RBM25: variants seen among roughly 807,000 people sequenced by gnomAD.
RBM25 encodes the protein RNA binding motif protein 25, also known as RNA-binding protein 25.
In RBM25, 19 loss-of-function variants were observed where a neutral mutation model predicts 120.7. That is an observed-to-expected ratio of 0.16 (90% CI 0.11 to 0.23). RBM25 has a LOEUF of 0.23. Ranked by LOEUF, RBM25 falls within the 10% of genes least tolerant of loss-of-function variation. The pLI is 1.00. For missense variants in RBM25, 605 were observed against 1,041.5 expected (o/e 0.58, Z 5.77); for synonymous variants, 390 against 326.7 (o/e 1.19, Z -2.09).
intron 13 of RBM25, among the ~76,000 whole-genome samples, chr14:73,108,270 G>A (rs1896232213): frequency 6.6e-6 from 1 of 152,146 alleles, no homozygotes; most frequent in South Asian, 2.1e-4. Flanking sequence ...CTGTAACCTT[G>A]AACTCTTGGG....
chr14:73,116,910 A>C (rs1201255927), intron 18 of RBM25, among the ~76,000 whole-genome samples: 1 of 152,180 alleles, frequency 6.6e-6, no homozygotes, highest in Non-Finnish European at 1.5e-5. Context: ...GGCCTTGTAA[A>C]TATTTCTTGA....
At chr14:73,071,034 G>A (rs1895275869) in intron 1 of RBM25, among the ~76,000 whole-genome samples, 1 of 150,098 alleles carries the variant, frequency 6.7e-6, no homozygotes, top group Non-Finnish European at 1.5e-5. Flanking sequence ...TTGAGGTCAA[G>A]AGATGGAGAC....
At chr14:73,101,160 AAAG>A (rs1295190406) in intron 9 of RBM25, 2 of 152,200 alleles carry the variant, frequency 1.3e-5, no homozygotes, top group Non-Finnish European at 2.9e-5. Context: ...TTCAAAATAA[AAAG>A]AAATCAAAAT....
chr14:73,088,496 A>G, intron 6 of RBM25: 1 of 433,186 alleles, frequency 2.3e-6, no homozygotes, highest in Non-Finnish European at 4.6e-6. Context: ...ATATATTTCA[A>G]CCTACACAAT....
Position 73,062,624 on chromosome 14 carries a change from AAAAAG to A in RBM25, c.-16+3925_-16+3929del, listed in dbSNP as rs749566630. 2.0e-4 allele frequency among the ~76,000 whole-genome samples: 31 copies of A among 151,568 alleles called. 1 individual carries two copies. Among genetic ancestry groups the A allele is most frequent in the Middle Eastern group, 3.2e-3 (1 of 316 alleles). On this transcript the variant is annotated intron_variant, in intron 1 of 18. Coordinates refer to ENST00000261973, the MANE Select transcript of RBM25 (RefSeq NM_021239.3). ...GAAAGATTCAAAGAGAAAAAAGTGA[AAAAAG>A]AAAAGCTGAGTGCATGCATATGTTG...
At chr14:73,118,160 T>C (rs1057495052) in intron 18 of RBM25, among the ~76,000 whole-genome samples, 1 of 152,216 alleles carries the variant, frequency 6.6e-6, no homozygotes, top group African/African-American at 2.4e-5. Flanking sequence ...TAGTGTCACA[T>C]ACACAATAAA....
Position 73,064,388 on chromosome 14 carries a change from G to A in RBM25, c.-16+5683G>A, listed in dbSNP as rs1054711315. The stretch of plus-strand genomic sequence containing the variant: ...AAATGTTTTCTGATTTTCCATGAGA[G>A]ACCAATCTTTTTTATTTTTGTTTTG... On this transcript the variant is annotated intron_variant, in intron 1 of 18. Transcript: ENST00000261973. Among the ~76,000 whole-genome samples the A allele has an allele frequency of 3.3e-5, 5 of 151,252 alleles. No individual in the cohort carries two copies. The East Asian group carries it at 9.6e-4, about 29-fold the overall frequency.
intron 1 of RBM25, among the ~76,000 whole-genome samples, chr14:73,064,338 G>C (rs1895075701): frequency 1.3e-5 from 2 of 151,386 alleles, no homozygotes; most frequent in South Asian, 4.2e-4. Flanking sequence ...GCTTAAAGTG[G>C]ACATTAGTAT....
In RBM25 at chr14:73,119,957, G is replaced by A. The variant is rs1896511074; in HGVS notation, c.*152G>A. On this transcript the variant is annotated 3_prime_UTR_variant, in exon 19 of 19. Coordinates refer to ENST00000261973, the MANE Select transcript of RBM25 (RefSeq NM_021239.3). The stretch of plus-strand genomic sequence containing the variant: ...TTTTTTGGTCCTCTAATTTGTTGTT[G>A]CCCTGTGTACTCCCTTGGTTGTAAA... The A allele has an allele frequency of 1.7e-6, 2 of 1,172,100 alleles. No homozygotes were observed. The highest frequency in any genetic ancestry group is 3.2e-5 in the African/African-American group (2 of 62,558). 72.6% of individuals were successfully genotyped at this position (1,172,100 alleles called of 1,614,324 possible).
Position 73,097,200 on chromosome 14 carries a change from T to TTTC in RBM25, c.729+102_729+103insCTT. On this transcript the variant is annotated intron_variant, in intron 7 of 18. Coordinates refer to ENST00000261973, the MANE Select transcript of RBM25 (RefSeq NM_021239.3). The stretch of plus-strand genomic sequence containing the variant: ...GTCAGTTTTCTTTTTTCTTTTCTTT[T>TTTC]TTTTTTTTTTTTTTTTTTGAGATGG... The TTTC allele has an allele frequency of 7.2e-5, 46 of 641,690 alleles. 1 individual carries two copies. The highest frequency in any genetic ancestry group is 3.4e-4 in the African/African-American group (13 of 38,316). The allele number at this position is 641,690 out of a possible 1,614,324, so 39.7% of individuals were successfully genotyped here.
chr14:73,119,875 T>G lies in RBM25; in HGVS notation c.*70T>G. The G allele has an allele frequency of 6.5e-7, 1 of 1,544,092 alleles. No homozygotes were observed. ...CCCTTTTAAGGACTTTGAATTTTTCTTTGTCTTTGAAGACATTGTGAGATC... is the reference window on the plus strand; with the variant it reads ...CCCTTTTAAGGACTTTGAATTTTTCGTTGTCTTTGAAGACATTGTGAGATC... On this transcript the variant is annotated 3_prime_UTR_variant, in exon 19 of 19. Transcript: ENST00000261973.
At chr14:73,114,591 T>C (rs1237050112) in intron 18 of RBM25, among the ~76,000 whole-genome samples, 2 of 152,194 alleles carry the variant, frequency 1.3e-5, no homozygotes, top group Non-Finnish European at 2.9e-5. Context: ...ATTCACTTCC[T>C]GCCTGTCTTT....
chr14:73,083,562 T>A lies in RBM25; in HGVS notation c.382+11T>A. Reference sequence around the variant, plus strand: ...CCGGAAAGCTTCAAGGTATGTCATTTTTTTCCTTATTTGCTGAAATCACTT... The same window carrying A: ...CCGGAAAGCTTCAAGGTATGTCATTATTTTCCTTATTTGCTGAAATCACTT... On this transcript the variant is annotated intron_variant, in intron 5 of 18. Transcript: ENST00000261973. 1.9e-6 allele frequency: 3 copies of A among 1,562,720 alleles called. No individual in the cohort carries two copies. In the South Asian group the frequency reaches 3.7e-5, roughly 19 times the overall value.
At chr14:73,065,974 A>G (rs1306062822) in intron 1 of RBM25, among the ~76,000 whole-genome samples, 1 of 152,198 alleles carries the variant, frequency 6.6e-6, no homozygotes, top group Non-Finnish European at 1.5e-5. Flanking sequence ...GGCCATTGCT[A>G]GAATATAGTA....
intron 4 of RBM25, among the ~76,000 whole-genome samples, chr14:73,081,825 T>C (rs903343363): frequency 6.6e-6 from 1 of 152,258 alleles, no homozygotes; most frequent in Non-Finnish European, 1.5e-5. Context: ...TCATTCTGAA[T>C]GCTCTTTGTG....
At chr14:73,114,385 G>A in intron 18 of RBM25, 52 bp downstream of exon 18, 4 of 1,385,632 alleles carry the variant, frequency 2.9e-6, no homozygotes, top group Non-Finnish European at 3.0e-6. Context: ...AAAAGTTTTT[G>A]GTTTTTTTTG....
At chr14:73,072,235 G>C (rs886965752) in intron 2 of RBM25, among the ~76,000 whole-genome samples, 1 of 151,888 alleles carries the variant, frequency 6.6e-6, no homozygotes, top group African/African-American at 2.4e-5. Flanking sequence ...GGCTCCCAAA[G>C]TGCGGGATTA....
intron 18 of RBM25, among the ~76,000 whole-genome samples, chr14:73,115,430 G>A (rs1183963382): frequency 6.6e-6 from 1 of 152,046 alleles, no homozygotes; most frequent in Admixed American, 6.5e-5. Context: ...ACTGTATTTG[G>A]TTTTCTGTTC....
intron 10 of RBM25, among the ~76,000 whole-genome samples, chr14:73,105,038 T>TACACACACACACAA (rs1555346298): frequency 1.4e-5 from 2 of 141,146 alleles, no homozygotes; most frequent in African/African-American, 5.5e-5. Context: ...ACATATTAAA[T>TACACACACACACAA]ACACACACAC....
Sources: allele counts gnomAD v4.1 joint callset (sites outside exome capture counted in the v4.1 genomes callset), GRCh38; gene constraint gnomAD v4.1.1; transcripts MANE v1.5; gene names NCBI Gene and HGNC (gene_info 2026-07-23, HGNC 2026-07-21).